CFAP299: variants seen among roughly 807,000 people sequenced by gnomAD.
CFAP299 encodes cilia- and flagella-associated protein 299.
Under a neutral mutation model 27.0 loss-of-function variants are expected in CFAP299, and 21 were observed. The ratio of observed to expected loss-of-function variants is 0.78; its 90% CI spans 0.55 to 1.12. The LOEUF is 1.12. Among genes scored for constraint, CFAP299 ranks in the 50% most tolerant of loss-of-function variants. The pLI is 0.00. For synonymous variants in CFAP299, 104 were observed against 98.1 expected, an observed-to-expected ratio of 1.06 and a Z score of -0.36; for missense variants, 310 against 276.6, an observed-to-expected ratio of 1.12 and a Z score of -0.86.
chr4:80,352,809 A>G (rs1723078365), intron 1 of CFAP299, among the ~76,000 whole-genome samples: 2 of 152,152 alleles, frequency 1.3e-5, no homozygotes, highest in African/African-American at 2.4e-5. Flanking sequence ...ACATAGTTCT[A>G]AATAACGCAA....
intron 2 of CFAP299, among the ~76,000 whole-genome samples, chr4:80,390,829 GTATATA>G (rs971114683): frequency 1.5e-5 from 2 of 134,890 alleles, no homozygotes; most frequent in South Asian, 2.4e-4. Context: ...ATATGTATAT[GTATATA>G]TGTATATACA....
At chr4:80,856,897 G>T (rs1221060112) in intron 3 of CFAP299, among the ~76,000 whole-genome samples, 2 of 151,790 alleles carry the variant, frequency 1.3e-5, no homozygotes, top group African/African-American at 4.9e-5. Flanking sequence ...GCTCTTTTTT[G>T]GTTCCATATG....
At chr4:80,527,158 CTCA>C (rs1395518887) in intron 2 of CFAP299, among the ~76,000 whole-genome samples, 1 of 152,076 alleles carries the variant, frequency 6.6e-6, no homozygotes, top group Non-Finnish European at 1.5e-5. Context: ...TTTATAGAAA[CTCA>C]TCATCATTGT....
intron 3 of CFAP299, among the ~76,000 whole-genome samples, chr4:80,868,826 C>T (rs1007761136): frequency 7.3e-5 from 11 of 151,104 alleles, no homozygotes; most frequent in Non-Finnish European, 1.6e-4. Flanking sequence ...GTTCATCTCT[C>T]ATTTAAAGAC....
intron 2 of CFAP299, among the ~76,000 whole-genome samples, chr4:80,508,546 A>G (rs1014112274): frequency 1.1e-4 from 17 of 152,124 alleles, no homozygotes; most frequent in African/African-American, 4.1e-4. Context: ...TTTCAGCTGT[A>G]ATCAGCCAAA....
At chr4:80,856,639 A>G in intron 3 of CFAP299, among the ~76,000 whole-genome samples, 1 of 152,148 alleles carries the variant, frequency 6.6e-6, no homozygotes. Flanking sequence ...CAGTTTTCCC[A>G]GCACCATTTA....
At chr4:80,744,608 G>T (rs921237183) in intron 3 of CFAP299, among the ~76,000 whole-genome samples, 1 of 151,358 alleles carries the variant, frequency 6.6e-6, no homozygotes, top group Non-Finnish European at 1.5e-5. Context: ...GTTGATCGCC[G>T]TGTTAATCCC....
chr4:80,481,832 A>C (rs892842184), intron 2 of CFAP299, among the ~76,000 whole-genome samples: 2 of 152,048 alleles, frequency 1.3e-5, no homozygotes, highest in African/African-American at 4.8e-5. Flanking sequence ...GTGCTACCAT[A>C]TATTTTTTCC....
intron 2 of CFAP299, among the ~76,000 whole-genome samples, chr4:80,472,405 A>G (rs1730047127): frequency 1.3e-5 from 2 of 152,212 alleles, no homozygotes; most frequent in African/African-American, 2.4e-5. Flanking sequence ...CGCATAATTA[A>G]TCATTTTCCC....
chr4:80,514,088 T>TTTTG (rs1019064402), intron 2 of CFAP299, among the ~76,000 whole-genome samples: 13 of 152,166 alleles, frequency 8.5e-5, no homozygotes, highest in African/African-American at 2.9e-4. Context: ...ATGTGTGTTT[T>TTTTG]TTTGTTTGTT....
chr4:80,371,207 G>A (rs1420712821), intron 2 of CFAP299, among the ~76,000 whole-genome samples: 1 of 152,238 alleles, frequency 6.6e-6, no homozygotes, highest in Non-Finnish European at 1.5e-5. Context: ...GGTTTGGGAT[G>A]CAGGGACTGG....
chr4:80,898,142 C>G (rs769158447), intron 4 of CFAP299, among the ~76,000 whole-genome samples: 4 of 152,132 alleles, frequency 2.6e-5, no homozygotes, highest in Non-Finnish European at 5.9e-5. Flanking sequence ...AGTGGGCCCT[C>G]TTATATCCAC....
At chr4:80,796,520 G>T (rs1727870967) in intron 3 of CFAP299, among the ~76,000 whole-genome samples, 2 of 152,308 alleles carry the variant, frequency 1.3e-5, no homozygotes, top group East Asian at 1.9e-4. Flanking sequence ...AATGTATATT[G>T]CTGGCCTTGC....
chr4:80,727,971 ATTAT>A (rs1457400312), intron 3 of CFAP299, among the ~76,000 whole-genome samples: 2 of 151,996 alleles, frequency 1.3e-5, no homozygotes, highest in Admixed American at 1.3e-4. Flanking sequence ...TGAGATTCAA[ATTAT>A]TTGTTTTGCA....
At chr4:80,754,044 G>C (rs555927537) in intron 3 of CFAP299, among the ~76,000 whole-genome samples, 2 of 152,068 alleles carry the variant, frequency 1.3e-5, no homozygotes, top group African/African-American at 2.4e-5. Context: ...TTTTTCCTTG[G>C]TTTTTTGTAT....
chr4:80,908,893 CAT>C (rs1285237739), intron 4 of CFAP299, among the ~76,000 whole-genome samples: 2 of 152,118 alleles, frequency 1.3e-5, no homozygotes, highest in East Asian at 3.9e-4. Context: ...AACACACACA[CAT>C]ACACGCAAGC....
chr4:80,442,413 C>T (rs764209432), intron 2 of CFAP299, among the ~76,000 whole-genome samples: 4 of 152,208 alleles, frequency 2.6e-5, no homozygotes, highest in Non-Finnish European at 5.9e-5. Context: ...CACTCAAAAC[C>T]GCAGAACTAC....
intron 2 of CFAP299, among the ~76,000 whole-genome samples, chr4:80,451,900 G>A (rs1728922493): frequency 1.3e-5 from 2 of 152,148 alleles, no homozygotes; most frequent in Admixed American, 6.5e-5. Context: ...ATTGTTCCTG[G>A]GAAGCTGACT....
At chr4:80,727,582 A>T (rs1723233807) in intron 3 of CFAP299, among the ~76,000 whole-genome samples, 1 of 152,092 alleles carries the variant, frequency 6.6e-6, no homozygotes, top group Non-Finnish European at 1.5e-5. Flanking sequence ...CTTATTTTTA[A>T]AAGAGGGCTT....
Sources: gnomAD v4.1 joint callset for allele counts (sites outside exome capture counted in the v4.1 genomes callset) on GRCh38, gnomAD v4.1.1 for gene constraint, MANE v1.5 for transcripts, NCBI Gene and HGNC (gene_info 2026-07-23, HGNC 2026-07-21) for gene names.